Variants in ULK4 observed in about 807,000 individuals in gnomAD.
The protein encoded by ULK4 is inactive serine/threonine-protein kinase ULK4.
A neutral mutation model predicts 160.6 loss-of-function variants in ULK4; 133 were observed. The observed-to-expected ratio is 0.83, with a 90% CI of 0.72 to 0.96. The LOEUF is 0.96. Ranked by LOEUF, ULK4 falls within the 40% of genes least tolerant of loss-of-function variation. The probability of loss-of-function intolerance (pLI) is 0.00; values close to 1 mark genes in which losing one functional copy is unlikely to be tolerated. For missense variants in ULK4, 1,580 were observed against 1,499.5 expected, an observed-to-expected ratio of 1.05 and a Z score of -0.89; for synonymous variants, 534 against 539.8, an observed-to-expected ratio of 0.99 and a Z score of 0.15.
rs190789914 is a variant in ULK4, at chr3:41,578,542, T to C, written c.3121-12412A>G. Among the ~76,000 whole-genome samples the C allele has an allele frequency of 2.0e-5, 3 of 152,354 alleles. 1 individual carries two copies. The East Asian group carries it at 5.8e-4, about 29-fold the overall frequency. On this transcript the variant is annotated intron_variant, in intron 31 of 36. Coordinates refer to ENST00000301831, the MANE Select transcript of ULK4 (RefSeq NM_017886.4). ...TTCCAGGAATTTTTCATCTCTCAGA[T>C]AATCTTTTGTGTCTTTACTGGCATA...
chr3:41,771,231 G>GT (rs1191953637), intron 21 of ULK4, among the ~76,000 whole-genome samples: 1 of 152,044 alleles, frequency 6.6e-6, no homozygotes, highest in Non-Finnish European at 1.5e-5. Flanking sequence ...AAAATATGTG[G>GT]TAATGTTCAA....
At chr3:41,397,880 A>G (rs970741476) in intron 35 of ULK4, among the ~76,000 whole-genome samples, 199 bp downstream of exon 35, 1 of 152,160 alleles carries the variant, frequency 6.6e-6, no homozygotes, top group African/African-American at 2.4e-5. Flanking sequence ...GGTTCAGAAA[A>G]AAGTATGTAT....
intron 33 of ULK4, among the ~76,000 whole-genome samples, chr3:41,458,065 G>A (rs768550835): frequency 1.4e-4 from 22 of 152,200 alleles, no homozygotes; most frequent in Non-Finnish European, 2.8e-4. Context: ...GGCAGGGTGA[G>A]TGGGGCAGGG....
At chr3:41,865,103 CT>C (rs2125687920) in intron 17 of ULK4, among the ~76,000 whole-genome samples, 1 of 151,880 alleles carries the variant, frequency 6.6e-6, no homozygotes, top group South Asian at 2.1e-4. Flanking sequence ...GAAACCTCAT[CT>C]CTATGAAAAA....
chr3:41,846,784 G>A (rs1464598100), intron 17 of ULK4, among the ~76,000 whole-genome samples: 11 of 139,656 alleles, frequency 7.9e-5, no homozygotes, highest in Non-Finnish European at 1.2e-4. Context: ...CAGCCTGGGC[G>A]ACAGAGCGAG....
intron 17 of ULK4, among the ~76,000 whole-genome samples, chr3:41,873,968 A>G (rs1260480117): frequency 6.6e-6 from 1 of 151,516 alleles, no homozygotes; most frequent in African/African-American, 2.4e-5. Context: ...ACCACATATT[A>G]TTTTTATAAT....
intron 32 of ULK4, among the ~76,000 whole-genome samples, chr3:41,517,438 T>C (rs1244408960): frequency 6.6e-6 from 1 of 152,138 alleles, no homozygotes; most frequent in African/African-American, 2.4e-5. Context: ...TGTTCCCTTC[T>C]GCCATTGGGA....
intron 13 of ULK4, among the ~76,000 whole-genome samples, chr3:41,900,357 G>A (rs1014962295): frequency 1.3e-5 from 2 of 152,108 alleles, no homozygotes; most frequent in East Asian, 1.9e-4. Flanking sequence ...TCAGAGACTA[G>A]AATATTTAGA....
intron 35 of ULK4, among the ~76,000 whole-genome samples, chr3:41,256,062 A>T (rs1355583847): frequency 6.6e-6 from 1 of 152,218 alleles, no homozygotes; most frequent in Admixed American, 6.5e-5. Flanking sequence ...ACGAAAGAAA[A>T]TAAATAAATG....
At chr3:41,877,857 T>C (rs1302246369) in intron 17 of ULK4, among the ~76,000 whole-genome samples, 1 of 151,718 alleles carries the variant, frequency 6.6e-6, no homozygotes, top group African/African-American at 2.4e-5. Flanking sequence ...GGTGCATGCC[T>C]GTAATCTCAG....
At chr3:41,931,512 G>T (rs1426045141) in intron 5 of ULK4, among the ~76,000 whole-genome samples, 2 of 147,004 alleles carry the variant, frequency 1.4e-5, no homozygotes, top group African/African-American at 5.0e-5. Context: ...TTCAACTGCA[G>T]AATATCATTC....
Position 41,918,484 on chromosome 3 carries a change from C to T in ULK4, c.700G>A (p.Glu234Lys). Residue 234 changes from glutamate to lysine, a missense_variant, in exon 7 of 37, where the codon GAA becomes AAA. By Grantham distance (56) the Glu-to-Lys change is moderately conservative (BLOSUM62 1). Coordinates refer to ENST00000301831, the MANE Select transcript of ULK4 (RefSeq NM_017886.4). ...ISELTEKILC[E>K]DPLPPIPKDS... ...TTCGGAATAGGTGGCAAAGGATCTT[C>T]ACATAAGATCTTTTCAGTTAATTCT... 6.3e-7 allele frequency: 1 copy of T among 1,581,588 alleles called. No individual in the cohort carries two copies. The highest frequency in any genetic ancestry group is 8.6e-7 in the Non-Finnish European group (1 of 1,166,234).
intron 35 of ULK4, among the ~76,000 whole-genome samples, chr3:41,392,990 A>G (rs1440431063): frequency 6.6e-6 from 1 of 152,052 alleles, no homozygotes; most frequent in Non-Finnish European, 1.5e-5. Context: ...TGCATATCCA[A>G]TCTCATGCAG....
intron 22 of ULK4, among the ~76,000 whole-genome samples, chr3:41,742,155 AC>A (rs933552220): frequency 1.2e-4 from 18 of 151,768 alleles, no homozygotes; most frequent in Non-Finnish European, 4.4e-5. Context: ...TTCTACCTTA[AC>A]CCACCCCCAG....
chr3:41,949,216 GGAGAATC>G (rs1325788872), intron 2 of ULK4, among the ~76,000 whole-genome samples: 3 of 151,882 alleles, frequency 2.0e-5, no homozygotes, highest in African/African-American at 7.3e-5. Flanking sequence ...GGCTGAGGCA[GGAGAATC>G]GTTTGAACCT....
In ULK4 at chr3:41,901,479, C is replaced by CTTTTTTTTTTTTTTTTTT. The variant is rs566805860; in HGVS notation, c.1183-668_1183-651dup. On this transcript the variant is annotated intron_variant, in intron 12 of 36. Transcript: ENST00000301831. ...ACAGGCGTGAGCCACCACGCCCAGC[C>CTTTTTTTTTTTTTTTTTT]TTTTTTTTTTTTTTTTTTTGAGATA... 2.4e-3 allele frequency among the ~76,000 whole-genome samples: 54 copies of CTTTTTTTTTTTTTTTTTT among 22,546 alleles called. 17 individuals carry two copies. Among genetic ancestry groups the CTTTTTTTTTTTTTTTTTT allele is most frequent in the Non-Finnish European group, 3.0e-3 (17 of 5,742 alleles). The allele number at this position is 22,546 out of a possible 152,430, so 14.8% of individuals were successfully genotyped here. A position where few individuals can be genotyped will look rare whatever the true frequency, so the allele number is the denominator to read the frequency against.
At chr3:41,644,991 G>A (rs1407992644) in intron 30 of ULK4, among the ~76,000 whole-genome samples, 9 of 151,534 alleles carry the variant, frequency 5.9e-5, no homozygotes, top group Non-Finnish European at 1.3e-4. Flanking sequence ...AGAGGTGTTT[G>A]TAGTATTCTC....
At chr3:41,253,219 A>G (rs2078772008) in intron 35 of ULK4, among the ~76,000 whole-genome samples, 1 of 152,158 alleles carries the variant, frequency 6.6e-6, no homozygotes, top group Admixed American at 6.5e-5. Context: ...TCAGGAATGA[A>G]GGAAGAGCAA....
chr3:41,877,230 A>G (rs1697339510), intron 17 of ULK4, among the ~76,000 whole-genome samples: 1 of 152,182 alleles, frequency 6.6e-6, no homozygotes, highest in East Asian at 1.9e-4. Flanking sequence ...AGTACTTAAA[A>G]TGCACTTTGT....
Sources: gnomAD v4.1 joint callset for allele counts (sites outside exome capture counted in the v4.1 genomes callset) on GRCh38, gnomAD v4.1.1 for gene constraint, MANE v1.5 for transcripts, NCBI Gene and HGNC (gene_info 2026-07-23, HGNC 2026-07-21) for gene names.